Variants in LTBP1 observed in about 807,000 individuals in gnomAD.
The protein encoded by LTBP1 is latent transforming growth factor beta binding protein 1.
A neutral mutation model predicts 207.6 loss-of-function variants in LTBP1; 129 were observed. That is an observed-to-expected ratio of 0.62 (90% CI 0.54 to 0.72). The LOEUF (loss-of-function observed/expected upper bound fraction) is 0.72, where lower values mean the gene tolerates loss of function less well. Among genes scored for constraint, LTBP1 ranks in the 30% least tolerant of loss-of-function variants. The probability of loss-of-function intolerance (pLI) is 0.00; values close to 1 mark genes in which losing one functional copy is unlikely to be tolerated. For synonymous variants in LTBP1, 963 were observed against 833.7 expected (o/e 1.16, Z -2.67); for missense variants, 2,281 against 2,217.2 (o/e 1.03, Z -0.58).
intron 9 of LTBP1, among the ~76,000 whole-genome samples, chr2:33,236,346 A>G (rs939998423): frequency 2.0e-5 from 3 of 152,150 alleles, no homozygotes; most frequent in Non-Finnish European, 4.4e-5. Context: ...TACTGATTTG[A>G]AGGTGTTAAC....
intron 3 of LTBP1, among the ~76,000 whole-genome samples, chr2:33,068,384 T>A (rs968212489): frequency 1.1e-4 from 16 of 152,286 alleles, no homozygotes; most frequent in African/African-American, 3.6e-4. Context: ...TTCCATTATC[T>A]ATTACCACTC....
At chr2:33,243,868 A>G in intron 10 of LTBP1, 84 bp downstream of exon 10, 4 of 1,465,532 alleles carry the variant, frequency 2.7e-6, no homozygotes, top group African/African-American at 1.4e-5. Context: ...TCAGTGGCCA[A>G]CTGAATGCTT....
At chr2:33,151,149 T>A (rs770032183) in intron 5 of LTBP1, among the ~76,000 whole-genome samples, 1 of 152,200 alleles carries the variant, frequency 6.6e-6, no homozygotes, top group Non-Finnish European at 1.5e-5. Context: ...CATTCATCTG[T>A]CGATGTATAT....
At chr2:33,382,070 G>C (rs1340563974) in intron 31 of LTBP1, among the ~76,000 whole-genome samples, 3 of 91,912 alleles carry the variant, frequency 3.3e-5, no homozygotes, top group Non-Finnish European at 6.6e-5. Flanking sequence ...GCGCCCTACT[G>C]CTTCTTTTTT....
intron 14 of LTBP1, 64 bp downstream of exon 14, chr2:33,262,885 T>C: frequency 1.6e-6 from 2 of 1,239,498 alleles, no homozygotes; most frequent in Non-Finnish European, 2.3e-6. Context: ...GACGGGAAAT[T>C]TTTGTCTTTG....
chr2:33,199,007 A>C (rs1163924064), intron 7 of LTBP1, among the ~76,000 whole-genome samples: 1 of 151,584 alleles, frequency 6.6e-6, no homozygotes, highest in Admixed American at 6.6e-5. Context: ...TCAGTTTTGG[A>C]TCTTTCCTGC....
intron 31 of LTBP1, among the ~76,000 whole-genome samples, chr2:33,383,302 G>T (rs187996153): frequency 6.6e-6 from 1 of 152,232 alleles, no homozygotes; most frequent in Non-Finnish European, 1.5e-5. Context: ...GCAGTGAACC[G>T]AGATTGCGCC....
intron 7 of LTBP1, among the ~76,000 whole-genome samples, chr2:33,191,654 C>A (rs576497712): frequency 1.2e-4 from 18 of 152,258 alleles, no homozygotes; most frequent in African/African-American, 4.3e-4. Context: ...TGCTTTCTTG[C>A]TGTGGTTGGT....
chr2:32,959,967 A>G (rs1403039218), intron 2 of LTBP1, among the ~76,000 whole-genome samples: 1 of 151,996 alleles, frequency 6.6e-6, no homozygotes, highest in Non-Finnish European at 1.5e-5. Context: ...ATCCTCCCAT[A>G]TGCATTTCAT....
chr2:33,134,974 C>A lies in LTBP1; in HGVS notation c.1201+14C>A, dbSNP rs919929049. On this transcript the variant is annotated intron_variant, in intron 5 of 33. Transcript: ENST00000404816. The surrounding 1 kb of genome is among the most constrained non-coding windows in gnomAD (Gnocchi z 4.4). ...ACTTCCGAGTGGGTGAGTTCCTCCA[C>A]GGTCCCTAACTGTCCTTACTGAGTC... is the stretch of plus-strand genomic sequence containing the variant. 1.3e-6 allele frequency: 2 copies of A among 1,594,636 alleles called. No homozygotes were observed. The highest frequency in any genetic ancestry group is 2.3e-5 in the South Asian group (2 of 87,910).
chr2:33,069,605 T>G (rs1014471678), intron 3 of LTBP1, among the ~76,000 whole-genome samples: 2 of 152,208 alleles, frequency 1.3e-5, no homozygotes, highest in Non-Finnish European at 2.9e-5. Context: ...CAGTCAAGAT[T>G]ATTCTCAAGC....
intron 20 of LTBP1, among the ~76,000 whole-genome samples, chr2:33,295,403 T>G (rs1296026875): frequency 6.6e-6 from 1 of 152,120 alleles, no homozygotes; most frequent in Non-Finnish European, 1.5e-5. Flanking sequence ...GGCATGCGCA[T>G]GTAATCCCAG....
chr2:33,379,506 G>A (rs977025052), intron 31 of LTBP1, among the ~76,000 whole-genome samples: 3 of 152,278 alleles, frequency 2.0e-5, no homozygotes, highest in South Asian at 4.2e-4. Context: ...CACCGTGCCC[G>A]GCCCTGCCAT....
intron 3 of LTBP1, among the ~76,000 whole-genome samples, chr2:33,091,984 C>T (rs572734284): frequency 6.6e-6 from 1 of 152,290 alleles, no homozygotes; most frequent in South Asian, 2.1e-4. Context: ...GCGTGGGGCA[C>T]CTCTAGCTGT....
At chr2:33,225,719 C>G (rs772859925) in intron 9 of LTBP1, among the ~76,000 whole-genome samples, 1 of 152,158 alleles carries the variant, frequency 6.6e-6, no homozygotes, top group Non-Finnish European at 1.5e-5. Context: ...ACAAATCTAT[C>G]TTTAACTTTA....
intron 29 of LTBP1, among the ~76,000 whole-genome samples, chr2:33,363,983 G>T (rs1164202203): frequency 6.6e-6 from 1 of 152,172 alleles, no homozygotes; most frequent in East Asian, 1.9e-4. Context: ...GTTCATGGAT[G>T]TTTTCTTTCC....
intron 31 of LTBP1, among the ~76,000 whole-genome samples, chr2:33,387,331 C>T (rs969110742): frequency 1.3e-5 from 2 of 152,254 alleles, no homozygotes; most frequent in Non-Finnish European, 2.9e-5. Flanking sequence ...CGTTTTCAAA[C>T]TTTAAGCAGA....
intron 24 of LTBP1, 103 bp from the exon 25 acceptor site, chr2:33,342,735 C>A: frequency 9.3e-7 from 1 of 1,076,506 alleles, no homozygotes; most frequent in Non-Finnish European, 1.3e-6. Flanking sequence ...CTCATCATCA[C>A]ACACTAATCA....
intron 27 of LTBP1, 69 bp downstream of exon 27, chr2:33,360,848 A>G (rs890880522): frequency 1.2e-4 from 167 of 1,424,776 alleles, no homozygotes; most frequent in Non-Finnish European, 1.6e-4. Context: ...CCTTGAAATG[A>G]TAACACTCAT....
Sources: allele counts gnomAD v4.1 joint callset (sites outside exome capture counted in the v4.1 genomes callset), GRCh38; gene constraint gnomAD v4.1.1; non-coding constraint Gnocchi (gnomAD v3.1); transcripts MANE v1.5; gene names NCBI Gene and HGNC (gene_info 2026-07-23, HGNC 2026-07-21).